The following IPO5 variants were observed in gnomAD, a reference collection of about 807,000 sequenced individuals.
IPO5 encodes the protein importin-5.
Under a neutral mutation model 143.3 loss-of-function variants are expected in IPO5, and 18 were observed. The observed-to-expected ratio is 0.13, with a 90% confidence interval of 0.09 to 0.19. IPO5 has a LOEUF of 0.19. Ranked by LOEUF, IPO5 falls within the 10% of genes least tolerant of loss-of-function variation. The pLI is 1.00. For synonymous variants in IPO5, 477 were observed against 465.7 expected, an observed-to-expected ratio of 1.02 and a Z score of -0.31; for missense variants, 1,013 against 1,336.9, an observed-to-expected ratio of 0.76 and a Z score of 3.78.
chr13:98,011,277 TTTTGTTTG>T (rs375613970), intron 20 of IPO5, among the ~76,000 whole-genome samples: 2 of 151,988 alleles, frequency 1.3e-5, no homozygotes, highest in African/African-American at 2.4e-5. Flanking sequence ...TTGGGGTTTT[TTTTGTTTG>T]TTTGTTTGTT....
chr13:97,996,168 G>A (rs955589828), intron 11 of IPO5, among the ~76,000 whole-genome samples: 6 of 152,052 alleles, frequency 3.9e-5, no homozygotes, highest in African/African-American at 1.4e-4. Context: ...GCTCACTGCA[G>A]CCTCCCAAGT....
chr13:97,996,056 G>A (rs1239644408), intron 11 of IPO5, among the ~76,000 whole-genome samples: 1 of 152,138 alleles, frequency 6.6e-6, no homozygotes. Flanking sequence ...TTGTTATCTA[G>A]AGAATACACA....
Position 98,014,139 on chromosome 13 carries a change from T to C in IPO5, c.2250T>C (p.Cys750=), listed in dbSNP as rs1202251392. 2 of 1,613,694 alleles carry C rather than the reference T, an allele frequency of 1.2e-6. No homozygotes were observed. Residue 750 remains cysteine, a synonymous_variant, in exon 22 of 29, where the codon TGT becomes TGC. Coordinates refer to ENST00000651721, the MANE Select transcript of IPO5 (RefSeq NM_002271.6). ...EYLTQMWHFM[C]DALIKAIGTE... ...TCACACAGATGTGGCATTTTATGTG[T>C]GATGCTCTAATTAAGGCCATTGGTA... is the stretch of plus-strand genomic sequence containing the variant.
Position 98,000,663 on chromosome 13 carries a change from A to G in IPO5, c.1108+18A>G. The G allele has an allele frequency of 1.3e-6, 2 of 1,533,826 alleles. No individual in the cohort carries two copies. The highest frequency in any genetic ancestry group is 1.8e-6 in the Non-Finnish European group (2 of 1,106,662). ...TCAAAATCGTAAGCTGTGTCCTTCA[A>G]ATGCTAGAAGAGTGAAGTTGTGCCC... On this transcript the variant is annotated intron_variant, in intron 13 of 28. Coordinates refer to ENST00000651721, the MANE Select transcript of IPO5 (RefSeq NM_002271.6).
At chr13:97,969,620 C>T (rs768204760) in intron 2 of IPO5, 103 bp from the exon 3 acceptor site, 39 of 642,750 alleles carry the variant, frequency 6.1e-5, no homozygotes, top group African/African-American at 9.5e-5. Context: ...TTTGATTTAA[C>T]TGATAAGGAT....
intron 17 of IPO5, among the ~76,000 whole-genome samples, chr13:98,006,869 T>G (rs1173163448): frequency 6.1e-5 from 9 of 148,264 alleles, no homozygotes; most frequent in Admixed American, 4.0e-4. Context: ...GTTTGGTGTT[T>G]TTTTTTTTTT....
chr13:97,997,496 A>G, intron 11 of IPO5, 35 bp from the exon 12 acceptor site: 1 of 1,204,156 alleles, frequency 8.3e-7, no homozygotes, highest in Non-Finnish European at 1.2e-6. Context: ...AGATAAAGTC[A>G]CAGTCTTCGG....
intron 2 of IPO5, among the ~76,000 whole-genome samples, chr13:97,961,772 G>A (rs575973726): frequency 6.6e-6 from 1 of 152,196 alleles, no homozygotes; most frequent in Admixed American, 6.5e-5. Context: ...TTTTAATTGG[G>A]TTGTCTTTTT....
At chr13:97,994,248 C>T (rs997660909) in intron 11 of IPO5, among the ~76,000 whole-genome samples, 1 of 152,116 alleles carries the variant, frequency 6.6e-6, no homozygotes, top group African/African-American at 2.4e-5. Context: ...GTGGAGGTTG[C>T]AGTGAGCCCA....
intron 13 of IPO5, 104 bp downstream of exon 13, chr13:98,000,749 A>T (rs1285460966): frequency 1.3e-6 from 1 of 747,746 alleles, no homozygotes; most frequent in Non-Finnish European, 2.3e-6. Context: ...TTGTCTTTTT[A>T]TCATCCATAT....
intron 5 of IPO5, among the ~76,000 whole-genome samples, chr13:97,984,686 A>G (rs1850389966): frequency 6.6e-6 from 1 of 152,204 alleles, no homozygotes; most frequent in African/African-American, 2.4e-5. Flanking sequence ...TTTTGGTCAA[A>G]TTCCCAAAGT....
intron 5 of IPO5, among the ~76,000 whole-genome samples, chr13:97,983,909 C>A (rs980865405): frequency 5.8e-5 from 7 of 121,314 alleles, no homozygotes; most frequent in Non-Finnish European, 8.5e-5. Flanking sequence ...GTAACCTGTT[C>A]TTTTCTGTAA....
chr13:97,995,095 G>A (rs1341665544), intron 11 of IPO5, among the ~76,000 whole-genome samples: 5 of 150,456 alleles, frequency 3.3e-5, no homozygotes, highest in Admixed American at 1.3e-4. Context: ...ATTGCACTCC[G>A]GCCTGGGTGA....
chr13:97,973,480 G>A (rs1030347603), intron 3 of IPO5, among the ~76,000 whole-genome samples: 11 of 152,274 alleles, frequency 7.2e-5, no homozygotes, highest in African/African-American at 2.4e-4. Context: ...GCCTGCTACC[G>A]AAAATACAGT....
Position 98,019,824 on chromosome 13 carries a change from T to C in IPO5, c.3065+15T>C, listed in dbSNP as rs1453990604. ...CTGATTGAAAGGTAGGAAAGCAGAC[T>C]GTGACCTTATTTCCTTCTCCTCCAC... On this transcript the variant is annotated intron_variant, in intron 27 of 28. Transcript: ENST00000651721. The C allele has an allele frequency of 6.5e-7, 1 of 1,539,774 alleles. No homozygotes were observed. The highest frequency in any genetic ancestry group is 1.7e-5 in the Admixed American group (1 of 59,916).
chr13:97,976,383 C>A (rs1169420677), intron 3 of IPO5: 1 of 151,854 alleles, frequency 6.6e-6, no homozygotes, highest in East Asian at 2.0e-4. Context: ...CCCCGATGCG[C>A]GGCCACTGAC....
At chr13:97,973,784 T>C (rs1886030926) in intron 3 of IPO5, among the ~76,000 whole-genome samples, 1 of 152,156 alleles carries the variant, frequency 6.6e-6, no homozygotes, top group South Asian at 2.1e-4. Context: ...AAAAACAAGC[T>C]CCTAGCCGGG....
At chr13:97,994,208 T>A (rs889456785) in intron 11 of IPO5, among the ~76,000 whole-genome samples, 4 of 152,120 alleles carry the variant, frequency 2.6e-5, no homozygotes, top group African/African-American at 9.7e-5. Context: ...CTCGGGAGGC[T>A]GAGGCAGGAG....
intron 13 of IPO5, 119 bp from the exon 14 acceptor site, chr13:98,002,348 C>A (rs565446847): frequency 2.4e-4 from 216 of 891,034 alleles, no homozygotes; most frequent in Non-Finnish European, 2.5e-4. Flanking sequence ...TATACATATA[C>A]CCTTTTCAAA....
Sources: gnomAD v4.1 joint callset for allele counts (sites outside exome capture counted in the v4.1 genomes callset) on GRCh38, gnomAD v4.1.1 for gene constraint, MANE v1.5 for transcripts, NCBI Gene and HGNC (gene_info 2026-07-23, HGNC 2026-07-21) for gene names.